The following RABGGTA variants were observed in gnomAD, a reference collection of about 807,000 sequenced individuals.
RABGGTA encodes geranylgeranyl transferase type-2 subunit alpha.
RABGGTA carries 69 observed loss-of-function variants against 83.3 expected under a neutral mutation model. That is an observed-to-expected ratio of 0.83 (90% confidence interval 0.68 to 1.01). RABGGTA has a LOEUF of 1.01. RABGGTA is among the 50% of genes least tolerant of loss of function. The pLI, the probability that RABGGTA is intolerant of heterozygous loss-of-function variation, is 0.00. For missense variants in RABGGTA, 681 were observed against 712.7 expected, an observed-to-expected ratio of 0.96 and a Z score of 0.51; for synonymous variants, 310 against 299.8, an observed-to-expected ratio of 1.03 and a Z score of -0.35.
chr14:24,271,295 G>T, intron 1 of RABGGTA, 126 bp from the exon 2 acceptor site: 1 of 739,664 alleles, frequency 1.4e-6, no homozygotes, highest in Non-Finnish European at 2.1e-6. Context: ...GACAGGCTTT[G>T]CACGTTCCAC....
chr14:24,269,542 G>C lies in RABGGTA; in HGVS notation c.580C>G (p.Gln194Glu). Residue 194 changes from glutamine (Q) to glutamate (E), a missense_variant, in exon 6 of 17, where the codon CAG becomes GAG. Around this residue, in one of 5 missense-constraint regions of RABGGTA, gnomAD observed 122 missense variants for 118.9 expected, o/e 1.03. Transcript: ENST00000216840. The stretch of plus-strand genomic sequence containing the variant: ...CGCCCCTGTGGTCCAGAATCCGGCT[G>C]GGGGTGCAGCTGGGGCAAGAGACAG... ...RSCLLPQLHP[Q>E]PDSGPQGRLP... is the part of the protein sequence containing the mutation. The C allele has an allele frequency of 6.2e-7, 1 of 1,609,472 alleles. No homozygotes were observed. Among genetic ancestry groups the C allele is most frequent in the Non-Finnish European group, 8.5e-7 (1 of 1,175,808 alleles).
In RABGGTA at chr14:24,270,053, G is replaced by C; in HGVS notation, c.327C>G (p.Thr109=). 6.2e-7 allele frequency: 1 copy of C among 1,612,906 alleles called. No individual in the cohort carries two copies. Among genetic ancestry groups the C allele is most frequent in the East Asian group, 2.2e-5 (1 of 44,810 alleles). Residue 109 remains threonine, a synonymous_variant, in exon 5 of 17, where the codon ACC becomes ACG. Coordinates refer to ENST00000216840, the MANE Select transcript of RABGGTA (RefSeq NM_182836.3). ...CTAGCAGCCAGCATCGGTGGTGCCA[G>C]GTACCATAAGACTTGGGGTTCACCC... is the stretch of plus-strand genomic sequence containing the variant. ...CLRVNPKSYG[T]WHHRCWLLGR...
Position 24,268,523 on chromosome 14 carries a change from G to T in RABGGTA, c.997C>A (p.Leu333Ile). Residue 333 changes from leucine (L) to isoleucine (I), a missense_variant, in exon 10 of 17, where the codon CTT (leucine) becomes ATT (isoleucine). Leu to Ile is a conservative substitution (Grantham distance 5). This residue lies in a region of RABGGTA where 421 missense variants were observed against 418.5 expected (regional missense o/e 1.01). Transcript: ENST00000216840. The stretch of plus-strand genomic sequence containing the variant: ...CTGCAGGTTCCATCACCTTTTAAAA[G>T]CACGCATTCTTTCTGGACATCGCCT... ...TAGDVQKECVLLKGRQEGWCR... is the reference protein window; with the variant it reads ...TAGDVQKECVILKGRQEGWCR... 6.2e-7 allele frequency: 1 copy of T among 1,613,940 alleles called. No individual in the cohort carries two copies. Among genetic ancestry groups the T allele is most frequent in the Non-Finnish European group, 8.5e-7 (1 of 1,179,806 alleles).
In RABGGTA at chr14:24,269,954, G is replaced by T; in HGVS notation, c.426C>A (p.Asn142Lys). Residue 142 changes from asparagine (N) to lysine (K), a missense_variant and splice_region_variant, in exon 5 of 17, where the codon AAC becomes AAA. Asn to Lys is a moderately conservative substitution (Grantham distance 94). Transcript: ENST00000216840. ...GGGACAGAATCTGCAGCCACGTACA[G>T]TTCCGCTCATCCACCTCCAGGAAAC... ...CARFLEVDERNFHCWDYRRFV... is the reference protein window; with the variant it reads ...CARFLEVDERKFHCWDYRRFV... 1 of 1,613,164 alleles carries T rather than the reference G, an allele frequency of 6.2e-7. No homozygotes were observed. The highest frequency in any genetic ancestry group is 8.5e-7 in the Non-Finnish European group (1 of 1,179,710).
At chr14:24,265,885 T>C in intron 16 of RABGGTA, 122 bp from the exon 17 acceptor site, 1 of 1,412,106 alleles carries the variant, frequency 7.1e-7, no homozygotes, top group Admixed American at 2.8e-5. Flanking sequence ...ATATGCTCCC[T>C]GGAGGGAGTC....
At position 24,270,478 on chromosome 14, in the gene RABGGTA, G is replaced by T. The variant is rs373640937; in HGVS notation, c.115-20C>A. 6.2e-7 allele frequency: 1 copy of T among 1,613,402 alleles called. No individual in the cohort carries two copies. The highest frequency in any genetic ancestry group is 8.5e-7 in the Non-Finnish European group (1 of 1,179,362). On this transcript the variant is annotated intron_variant, in intron 3 of 16. Coordinates refer to ENST00000216840, the MANE Select transcript of RABGGTA (RefSeq NM_182836.3). ...CTGGCGCTAAGAAGATAGGTGGCAG[G>T]GTTAGAGATCATATAATTTTCCCAC...
At chr14:24,271,269 T>G in intron 1 of RABGGTA, 100 bp from the exon 2 acceptor site, 3 of 975,774 alleles carry the variant, frequency 3.1e-6, no homozygotes, top group South Asian at 2.0e-5. Context: ...ACCCCCAGAG[T>G]GTAAAGAGGT....
chr14:24,266,720 G>A (rs1316566415), intron 15 of RABGGTA, 56 bp downstream of exon 15: 1 of 1,485,108 alleles, frequency 6.7e-7, no homozygotes, highest in Non-Finnish European at 9.4e-7. Context: ...GACTTCTGAG[G>A]GAGAGGAAGA....
intron 1 of RABGGTA, 32 bp downstream of exon 1, chr14:24,271,455 C>T: frequency 4.4e-6 from 1 of 229,800 alleles, no homozygotes; most frequent in Non-Finnish European, 8.4e-6. Context: ...CCACGGCTCC[C>T]GGGCACCCCC....
chr14:24,269,143 C>T lies in RABGGTA; in HGVS notation c.652G>A (p.Ala218Thr), dbSNP rs1234280233. The change falls in exon 7 of 17, where the codon GCC becomes ACC. Residue 218 changes from alanine to threonine, a missense_variant. By Grantham distance (58) the Ala-to-Thr change is moderately conservative (BLOSUM62 0). This residue lies in a region of RABGGTA where 11 missense variants were observed against 31.8 expected (regional missense o/e 0.35). Transcript: ENST00000216840. Reference sequence around the variant, plus strand: ...TGGTCATTGGGGTCAGTGAAGAAGGCATTCTGCACCAGCTCCAGCTCTGTG... The same window carrying T: ...TGGTCATTGGGGTCAGTGAAGAAGGTATTCTGCACCAGCTCCAGCTCTGTG... ...LLKELELVQN[A>T]FFTDPNDQSA... 6.2e-7 allele frequency: 1 copy of T among 1,611,768 alleles called. No individual in the cohort carries two copies.
intron 16 of RABGGTA, among the ~76,000 whole-genome samples, chr14:24,266,208 AT>A: frequency 6.6e-6 from 1 of 152,302 alleles, no homozygotes; most frequent in South Asian, 2.1e-4. Flanking sequence ...CGGGCTGCCC[AT>A]TTGTGAACTC....
At chr14:24,270,655 C>A (rs1282262865) in intron 3 of RABGGTA, among the ~76,000 whole-genome samples, 182 bp downstream of exon 3, 1 of 152,186 alleles carries the variant, frequency 6.6e-6, no homozygotes, top group Non-Finnish European at 1.5e-5. Flanking sequence ...AATTATTAGC[C>A]CCATTTTACA....
intron 5 of RABGGTA, 56 bp downstream of exon 5, chr14:24,269,897 C>A: frequency 6.3e-7 from 1 of 1,581,516 alleles, no homozygotes; most frequent in East Asian, 2.3e-5. Context: ...ACTGAGGCCC[C>A]AGTACCAGAA....
rs1345215086 is a variant in RABGGTA, at chr14:24,270,920, C to G, written c.31G>C (p.Glu11Gln). MHGRLKVKTS[E>Q]EQAEAKRLER... is the part of the protein sequence containing the mutation. ...AGCCTTTTGGCCTCCGCCTGCTCTTCTGACGTCTTCACCTTCAGGCGTCCG... is the reference window on the plus strand; with the variant it reads ...AGCCTTTTGGCCTCCGCCTGCTCTTGTGACGTCTTCACCTTCAGGCGTCCG... Residue 11 changes from glutamate (E) to glutamine (Q), a missense_variant, in exon 3 of 17, where the codon GAA becomes CAA. By Grantham distance (29) the Glu-to-Gln change is conservative. Around this residue, in one of 5 missense-constraint regions of RABGGTA, gnomAD observed 115 missense variants for 111.5 expected, o/e 1.03. Transcript: ENST00000216840. The G allele has an allele frequency of 1.2e-6, 2 of 1,613,908 alleles. No homozygotes were observed. The highest frequency in any genetic ancestry group is 1.7e-6 in the Non-Finnish European group (2 of 1,179,898).
In RABGGTA at chr14:24,266,880, C is replaced by A; in HGVS notation, c.1363G>T (p.Val455Leu). Residue 455 changes from valine (V) to leucine (L), a missense_variant, in exon 15 of 17, where the codon GTG becomes TTG. Physicochemically the swap from Val to Leu is conservative, Grantham distance 32. Transcript: ENST00000216840. ...AGCAGCTGTTCCAGATGGCAGAGCA[C>A]TGTCAGATCCTGGGGGGTGAAGGGA... Reference protein sequence around the residue: ...VLHLAHKDLTVLCHLEQLLLV... With the variant: ...VLHLAHKDLTLLCHLEQLLLV... The A allele has an allele frequency of 6.2e-7, 1 of 1,613,154 alleles. No individual in the cohort carries two copies. The highest frequency in any genetic ancestry group is 8.5e-7 in the Non-Finnish European group (1 of 1,179,182).
chr14:24,267,806 A>T, intron 13 of RABGGTA, 30 bp from the exon 14 acceptor site: 1 of 1,611,234 alleles, frequency 6.2e-7, no homozygotes, highest in Non-Finnish European at 8.5e-7. Flanking sequence ...CAGGGTATGC[A>T]TGTCAGCTGC....
At position 24,266,801 on chromosome 14, in the gene RABGGTA, G is replaced by C; in HGVS notation, c.1442C>G (p.Ala481Gly). The part of the protein sequence containing the change: ...SHNRLRTLPP[A>G]LAALRCLEVL... ...CTCAAGGCAGCGCAGGGCAGCCAGT[G>C]CAGGTGGCAGGGTTCGGAGGCGATT... is the stretch of plus-strand genomic sequence containing the variant. Residue 481 changes from alanine to glycine, a missense_variant, in exon 15 of 17, where the codon GCA (alanine) becomes GGA (glycine). Coordinates refer to ENST00000216840, the MANE Select transcript of RABGGTA (RefSeq NM_182836.3). The C allele has an allele frequency of 6.2e-7, 1 of 1,613,874 alleles. No individual in the cohort carries two copies. Among genetic ancestry groups the C allele is most frequent in the Non-Finnish European group, 8.5e-7 (1 of 1,179,754 alleles).
rs756184223 is a variant in RABGGTA at position 24,270,967 on chromosome 14, G to A, written c.4-20C>T. On this transcript the variant is annotated intron_variant, in intron 2 of 16. Coordinates refer to ENST00000216840, the MANE Select transcript of RABGGTA (RefSeq NM_182836.3). ...TCCGTGCTACAAGGATGAACGGGTTGGAAGAGTGCAGGTTGCCTTGCAGAA... is the reference window on the plus strand; with the variant it reads ...TCCGTGCTACAAGGATGAACGGGTTAGAAGAGTGCAGGTTGCCTTGCAGAA... 26 of 1,612,320 alleles carry A rather than the reference G, an allele frequency of 1.6e-5. No individual in the cohort carries two copies. Among genetic ancestry groups the A allele is most frequent in the Non-Finnish European group, 2.2e-5 (26 of 1,179,152 alleles).
chr14:24,270,470 G>A lies in RABGGTA; in HGVS notation c.115-12C>T. On this transcript the variant is annotated splice_polypyrimidine_tract_variant and intron_variant, in intron 3 of 16. Coordinates refer to ENST00000216840, the MANE Select transcript of RABGGTA (RefSeq NM_182836.3). ...TCACCAGCCTGGCGCTAAGAAGATA[G>A]GTGGCAGGGTTAGAGATCATATAAT... is the stretch of plus-strand genomic sequence containing the variant. The A allele has an allele frequency of 1.9e-6, 3 of 1,613,940 alleles. No individual in the cohort carries two copies. The highest frequency in any genetic ancestry group is 2.5e-6 in the Non-Finnish European group (3 of 1,179,816).
Sources: allele counts gnomAD v4.1 joint callset (sites outside exome capture counted in the v4.1 genomes callset), GRCh38; gene constraint gnomAD v4.1.1; regional missense constraint gnomAD v4.1.1; transcripts MANE v1.5; gene names NCBI Gene and HGNC (gene_info 2026-07-23, HGNC 2026-07-21).